The following KEAP1 variants were observed in gnomAD, a reference collection of about 807,000 sequenced individuals.
KEAP1 encodes the protein kelch like ECH associated protein 1.
In KEAP1, 26 loss-of-function variants were observed where a neutral mutation model predicts 59.7. The observed-to-expected ratio is 0.44, with a 90% CI of 0.32 to 0.60. The LOEUF (loss-of-function observed/expected upper bound fraction) is 0.60, where lower values mean the gene tolerates loss of function less well. Among genes scored for constraint, KEAP1 ranks in the 20% least tolerant of loss-of-function variants. KEAP1 has a pLI of 0.06. For missense variants in KEAP1, 539 were observed against 871.4 expected (o/e 0.62, Z 4.80); for synonymous variants, 350 against 358.3 (o/e 0.98, Z 0.26).
chr19:10,494,943 C>T (rs1195579081), intron 2 of KEAP1, among the ~76,000 whole-genome samples: 3 of 150,850 alleles, frequency 2.0e-5, no homozygotes, highest in Admixed American at 6.6e-5. Context: ...CGTGAGCCAA[C>T]GCGCCCGGCC....
intron 5 of KEAP1, among the ~76,000 whole-genome samples, chr19:10,487,461 A>T (rs1914504082): frequency 6.6e-6 from 1 of 152,138 alleles, no homozygotes; most frequent in Non-Finnish European, 1.5e-5. Flanking sequence ...GTTCGAGGCC[A>T]GCCTCGCCAA....
Position 10,492,201 on chromosome 19 carries a change from C to T in KEAP1, c.701G>A (p.Arg234Gln), listed in dbSNP as rs557562330. Residue 234 changes from arginine to glutamine, a missense_variant, in exon 3 of 6, where the codon CGG (arginine) becomes CAG (glutamine). Transcript: ENST00000171111. The stretch of plus-strand genomic sequence containing the variant: ...CTCGCAGCGCACGTTCAGGTCGTCC[C>T]GGCTGATGAGGGTCACCAGTTGGCA... Reference protein sequence around the residue: ...SHCQLVTLISRDDLNVRCESE... With the variant: ...SHCQLVTLISQDDLNVRCESE... The T allele has an allele frequency of 1.6e-5, 26 of 1,613,982 alleles. No homozygotes were observed. In the South Asian group the frequency reaches 2.2e-4, roughly 14 times the overall value.
At chr19:10,495,360 A>G (rs1164966139) in intron 2 of KEAP1, among the ~76,000 whole-genome samples, 1 of 152,142 alleles carries the variant, frequency 6.6e-6, no homozygotes, top group East Asian at 1.9e-4. Flanking sequence ...AGACTAAAAA[A>G]GGAAAAAATA....
In KEAP1 at chr19:10,493,451, C is replaced by A. The variant is rs1027992723; in HGVS notation, c.640-1189G>T. Among the ~76,000 whole-genome samples, 4 of 151,786 alleles carry A rather than the reference C, an allele frequency of 2.6e-5. No individual in the cohort carries two copies. The South Asian group carries it at 6.2e-4, about 24-fold the overall frequency. ...TGCTGGGATTACAGGCGTGAGCCAC[C>A]GCGCCCGGCCATTTTTTTGTATTTA... On this transcript the variant is annotated intron_variant, in intron 2 of 5. Coordinates refer to ENST00000171111, the MANE Select transcript of KEAP1 (RefSeq NM_203500.2).
chr19:10,502,708 C>G lies in KEAP1; in HGVS notation c.-48+533G>C, dbSNP rs918735302. On this transcript the variant is annotated intron_variant, in intron 1 of 5. Coordinates refer to ENST00000171111, the MANE Select transcript of KEAP1 (RefSeq NM_203500.2). This position sits in a 1 kb window ranked among gnomAD's most constrained non-coding sequence, Gnocchi z 4.0. ...CCCGCCTCACTCACCCCGCCATGGC[C>G]GCGCTCCGGCTCCGCCTCCACCGCC... 6.6e-6 allele frequency: 1 copy of G among 152,112 alleles called. No homozygotes were observed. The highest frequency in any genetic ancestry group is 2.4e-5 in the African/African-American group (1 of 41,440). The allele number at this position is 152,112 out of a possible 1,614,324, so 9.4% of individuals were successfully genotyped here.
At chr19:10,500,280 A>G (rs956384424) in intron 1 of KEAP1, among the ~76,000 whole-genome samples, 200 bp from the exon 2 acceptor site, 1 of 152,192 alleles carries the variant, frequency 6.6e-6, no homozygotes, top group Non-Finnish European at 1.5e-5. Context: ...ACATACATGA[A>G]GTCATGTCTC....
rs186500343 is a variant in KEAP1 at position 10,487,131 on chromosome 19, T to C, written c.1709-313A>G. ...GACTGAGGTGGGTGGATCACTTGAG[T>C]CCAGGAGTTTGAGACCAGCCTGGGC... On this transcript the variant is annotated intron_variant, in intron 5 of 5. Coordinates refer to ENST00000171111, the MANE Select transcript of KEAP1 (RefSeq NM_203500.2). 5.2e-3 allele frequency among the ~76,000 whole-genome samples: 750 copies of C among 143,756 alleles called. 11 individuals are homozygous for C. The highest frequency in any genetic ancestry group is 0.018 in the African/African-American group (704 of 38,352). The allele number at this position is 143,756 out of a possible 152,430, so 94.3% of individuals were successfully genotyped here.
In KEAP1 at chr19:10,502,659, G is replaced by A. The variant is rs1291198121; in HGVS notation, c.-48+582C>T. On this transcript the variant is annotated intron_variant, in intron 1 of 5. Transcript: ENST00000171111. This position sits in a 1 kb window ranked among gnomAD's most constrained non-coding sequence, Gnocchi z 4.0. Reference sequence around the variant, plus strand: ...ACGGCCGCAGGGGCGCTCGCGGCCCGCGATGCCCGCAGCCCGGGCACATCC... The same window carrying A: ...ACGGCCGCAGGGGCGCTCGCGGCCCACGATGCCCGCAGCCCGGGCACATCC... 6.6e-6 allele frequency: 1 copy of A among 151,916 alleles called. No individual in the cohort carries two copies. Among genetic ancestry groups the A allele is most frequent in the East Asian group, 2.0e-4 (1 of 5,114 alleles). The allele number at this position is 151,916 out of a possible 1,614,324, so 9.4% of individuals were successfully genotyped here.
chr19:10,490,239 G>A (rs562148587), intron 3 of KEAP1: 3 of 163,664 alleles, frequency 1.8e-5, no homozygotes, highest in East Asian at 1.8e-4. Context: ...GCAACAGAGC[G>A]AGACTCCATC....
At position 10,499,928 on chromosome 19, in the gene KEAP1, T is replaced by C; in HGVS notation, c.106A>G (p.Thr36Ala). The part of the protein sequence containing the change: ...GAGDAVMYAS[T>A]ECKAEVTPSQ... Reference sequence around the variant, plus strand: ...GGCGTCACCTCCGCCTTGCACTCAGTGGAGGCGTACATCACCGCGTCCCCT... The same window carrying C: ...GGCGTCACCTCCGCCTTGCACTCAGCGGAGGCGTACATCACCGCGTCCCCT... Residue 36 changes from threonine (T) to alanine (A), a missense_variant, in exon 2 of 6, where the codon ACT (threonine) becomes GCT (alanine). Coordinates refer to ENST00000171111, the MANE Select transcript of KEAP1 (RefSeq NM_203500.2). This position sits in a 1 kb window ranked among gnomAD's most constrained non-coding sequence, Gnocchi z 6.7. The C allele has an allele frequency of 5.6e-6, 9 of 1,612,360 alleles. No individual in the cohort carries two copies. The highest frequency in any genetic ancestry group is 7.6e-6 in the Non-Finnish European group (9 of 1,179,174).
At position 10,491,369 on chromosome 19, in the gene KEAP1, T is replaced by C. The variant is rs1439396060; in HGVS notation, c.1325+208A>G. Among the ~76,000 whole-genome samples, 1 of 152,114 alleles carries C rather than the reference T, an allele frequency of 6.6e-6. No homozygotes were observed. Among genetic ancestry groups the C allele is most frequent in the Middle Eastern group, 3.2e-3 (1 of 316 alleles). ...CGCACAAAGGAACCATATGGGTTTG[T>C]GACAGTCCCCTAAGCATTTCCCAGC... is the stretch of plus-strand genomic sequence containing the variant. On this transcript the variant is annotated intron_variant, in intron 3 of 5. Transcript: ENST00000171111. This position sits in a 1 kb window ranked among gnomAD's most constrained non-coding sequence, Gnocchi z 5.2.
chr19:10,486,901 G>A (rs2144579658), intron 5 of KEAP1, 83 bp from the exon 6 acceptor site: 1 of 1,451,518 alleles, frequency 6.9e-7, no homozygotes, highest in Middle Eastern at 2.0e-4. Flanking sequence ...ATGCAGCTGT[G>A]AGATGCAAAA....
chr19:10,500,836 C>T (rs1369249882), intron 1 of KEAP1, among the ~76,000 whole-genome samples: 1 of 152,050 alleles, frequency 6.6e-6, no homozygotes, highest in Non-Finnish European at 1.5e-5. Context: ...TCCGCCACCA[C>T]ACCCGGCTAG....
At chr19:10,492,411 A>G (rs540150557) in intron 2 of KEAP1, 149 bp from the exon 3 acceptor site, 1 of 654,314 alleles carries the variant, frequency 1.5e-6, no homozygotes, top group South Asian at 1.9e-5. Flanking sequence ...AACCGCGTAC[A>G]TTGTGATGAC....
chr19:10,491,742 T>A lies in KEAP1; in HGVS notation c.1160A>T (p.Asn387Ile), dbSNP rs2144598140. ...VGGRNNSPDG[N>I]TDSSALDCYN... ...ACAGTCCAGGGCGCTGGAGTCGGTG[T>A]TGCCGTCGGGCGAGTTGTTCCTGCC... is the stretch of plus-strand genomic sequence containing the variant. Residue 387 changes from asparagine to isoleucine, a missense_variant, in exon 3 of 6, where the codon AAC becomes ATC. Asn to Ile is a moderately radical substitution (Grantham distance 149, BLOSUM62 -3). This residue lies in a region of KEAP1 where 311 missense variants were observed against 425.2 expected (regional missense o/e 0.73). Coordinates refer to ENST00000171111, the MANE Select transcript of KEAP1 (RefSeq NM_203500.2). This position sits in a 1 kb window ranked among gnomAD's most constrained non-coding sequence, Gnocchi z 5.2. 1.3e-6 allele frequency: 2 copies of A among 1,566,804 alleles called. No homozygotes were observed. The highest frequency in any genetic ancestry group is 1.7e-6 in the Non-Finnish European group (2 of 1,155,596).
At position 10,487,773 on chromosome 19, in the gene KEAP1, A is replaced by AT. The variant is rs199842324; in HGVS notation, c.1709-956dup. Among the ~76,000 whole-genome samples, 843 of 152,274 alleles carry AT rather than the reference A, an allele frequency of 5.5e-3. 13 individuals carry two copies. Among genetic ancestry groups the AT allele is most frequent in the East Asian group, 0.04 (210 of 5,186 alleles). On this transcript the variant is annotated intron_variant, in intron 5 of 5. Transcript: ENST00000171111. ...GACTTTCGGAGGCTGAGGCAGGTGG[A>AT]TCACCTGAGGTCAGGAGTTCAAGAC...
intron 2 of KEAP1, among the ~76,000 whole-genome samples, chr19:10,496,420 C>T (rs370364581): frequency 6.6e-6 from 1 of 150,836 alleles, no homozygotes; most frequent in Non-Finnish European, 1.5e-5. Context: ...CACTTGAACC[C>T]GAGAGGCGGA....
At chr19:10,487,661 A>C (rs1398582170) in intron 5 of KEAP1, among the ~76,000 whole-genome samples, 1 of 151,812 alleles carries the variant, frequency 6.6e-6, no homozygotes, top group Non-Finnish European at 1.5e-5. Context: ...CCTCAAAATA[A>C]ATAAATAAAT....
At chr19:10,500,955 C>T (rs1003987500) in intron 1 of KEAP1, among the ~76,000 whole-genome samples, 24 of 152,318 alleles carry the variant, frequency 1.6e-4, no homozygotes, top group African/African-American at 5.8e-4. Flanking sequence ...GCTGGGATTA[C>T]AGGCGTAAGC....
Sources: allele counts gnomAD v4.1 joint callset (sites outside exome capture counted in the v4.1 genomes callset), GRCh38; gene constraint gnomAD v4.1.1; regional missense constraint gnomAD v4.1.1; non-coding constraint Gnocchi (gnomAD v3.1); transcripts MANE v1.5; gene names NCBI Gene and HGNC (gene_info 2026-07-23, HGNC 2026-07-21).